ASCC3: variants seen among roughly 807,000 people sequenced by gnomAD.
ASCC3 encodes activating signal cointegrator 1 complex subunit 3, also known as ASC-1 complex subunit P200.
A neutral mutation model predicts 256.3 loss-of-function variants in ASCC3; 158 were observed. That is an observed-to-expected ratio of 0.62 (90% confidence interval 0.54 to 0.70). ASCC3 has a LOEUF of 0.70. ASCC3 is among the 30% of genes least tolerant of loss of function. The probability of loss-of-function intolerance (pLI) is 0.00; values close to 1 mark genes in which losing one functional copy is unlikely to be tolerated. For synonymous variants in ASCC3, 948 were observed against 883.4 expected (o/e 1.07, Z -1.30); for missense variants, 2,259 against 2,626.0 (o/e 0.86, Z 3.05).
intron 30 of ASCC3, among the ~76,000 whole-genome samples, chr6:100,608,118 C>CTATATATACATATATATGTGTATATAGA (rs1773047685): frequency 4.3e-5 from 1 of 23,350 alleles, no homozygotes; most frequent in African/African-American, 1.2e-4. Flanking sequence ...GTATATATAT[C>CTATATATACATATATATGTGTATATAGA]TATATATACA....
chr6:100,617,177 G>A (rs1041441208), intron 30 of ASCC3, among the ~76,000 whole-genome samples: 1 of 151,936 alleles, frequency 6.6e-6, no homozygotes, highest in Non-Finnish European at 1.5e-5. Context: ...GCTAATTTTT[G>A]TATTTTTTTT....
At chr6:100,550,813 G>T (rs547656046) in intron 36 of ASCC3, among the ~76,000 whole-genome samples, 1 of 151,742 alleles carries the variant, frequency 6.6e-6, no homozygotes, top group Admixed American at 6.6e-5. Context: ...TCTTTACTAG[G>T]ATTGTGTATT....
intron 8 of ASCC3, among the ~76,000 whole-genome samples, chr6:100,786,462 A>G (rs1769087655): frequency 6.6e-6 from 1 of 152,008 alleles, no homozygotes; most frequent in African/African-American, 2.4e-5. Flanking sequence ...AACAAATTTA[A>G]ATTAAATAAT....
chr6:100,800,964 C>T (rs2114346791), intron 5 of ASCC3, among the ~76,000 whole-genome samples: 1 of 152,054 alleles, frequency 6.6e-6, no homozygotes, highest in South Asian at 2.1e-4. Context: ...ACATATGTTA[C>T]TACTTAGTTA....
Position 100,563,101 on chromosome 6 carries a change from T to C in ASCC3, c.5551-22714A>G, listed in dbSNP as rs975337229. On this transcript the variant is annotated intron_variant, in intron 36 of 41. Coordinates refer to ENST00000369162, the MANE Select transcript of ASCC3 (RefSeq NM_006828.4). ...ACTGGAGTGTTAGTGGCTATTTTTT[T>C]AAATATTATGATTAAAATTTTTTAA... Among the ~76,000 whole-genome samples the C allele has an allele frequency of 6.6e-5, 10 of 152,088 alleles. No homozygotes were observed. In the South Asian group the frequency reaches 1.7e-3, roughly 25 times the overall value.
At chr6:100,870,683 T>C (rs1280746028) in intron 1 of ASCC3, among the ~76,000 whole-genome samples, 2 of 152,182 alleles carry the variant, frequency 1.3e-5, no homozygotes, top group Non-Finnish European at 2.9e-5. Flanking sequence ...ATGATCCAAC[T>C]TACAAATAAA....
At chr6:100,509,842 C>T (rs893769221) in intron 41 of ASCC3, 90 bp downstream of exon 41, 17 of 1,292,010 alleles carry the variant, frequency 1.3e-5, no homozygotes, top group South Asian at 1.1e-4. Context: ...GAGCAGAGAT[C>T]GCGCCACTGC....
chr6:100,577,548 A>G (rs1233110513), intron 36 of ASCC3, among the ~76,000 whole-genome samples: 1 of 152,110 alleles, frequency 6.6e-6, no homozygotes, highest in Admixed American at 6.6e-5. Flanking sequence ...GATTAACATA[A>G]AGAACAGAAT....
At chr6:100,837,129 A>C (rs1037540727) in intron 4 of ASCC3, among the ~76,000 whole-genome samples, 1 of 152,094 alleles carries the variant, frequency 6.6e-6, no homozygotes, top group African/African-American at 2.4e-5. Context: ...AAAATGCTCA[A>C]TATCACTAAT....
chr6:100,618,542 G>A (rs1236252058), intron 30 of ASCC3, among the ~76,000 whole-genome samples: 7 of 152,226 alleles, frequency 4.6e-5, no homozygotes, highest in Non-Finnish European at 1.0e-4. Context: ...AATAGGTTAT[G>A]TACTCAGTGG....
At chr6:100,521,353 C>T (rs560483119) in intron 37 of ASCC3, among the ~76,000 whole-genome samples, 4 of 152,024 alleles carry the variant, frequency 2.6e-5, no homozygotes, top group South Asian at 2.1e-4. Context: ...AGAAATCATA[C>T]GCTGAGGTTG....
chr6:100,559,482 G>C (rs1769808953), intron 36 of ASCC3, among the ~76,000 whole-genome samples: 1 of 152,086 alleles, frequency 6.6e-6, no homozygotes, highest in South Asian at 2.1e-4. Context: ...ATATTTTTTT[G>C]TAATGGCAAA....
chr6:100,779,193 T>C (rs774800986), intron 8 of ASCC3, among the ~76,000 whole-genome samples: 1 of 152,090 alleles, frequency 6.6e-6, no homozygotes, highest in African/African-American at 2.4e-5. Flanking sequence ...AAAATAGTAA[T>C]CAAGGAGAAT....
intron 36 of ASCC3, among the ~76,000 whole-genome samples, chr6:100,571,780 A>G (rs1770604091): frequency 6.6e-6 from 1 of 152,206 alleles, no homozygotes; most frequent in African/African-American, 2.4e-5. Flanking sequence ...TTACATGATC[A>G]GAATTATAAC....
At chr6:100,822,536 CAAAAA>C (rs34408420) in intron 4 of ASCC3, among the ~76,000 whole-genome samples, 9 of 113,118 alleles carry the variant, frequency 8.0e-5, no homozygotes, top group South Asian at 3.2e-4. Context: ...ACTCCGTCTC[CAAAAA>C]AAAAAAAAAA....
At chr6:100,702,217 G>A (rs1315456831) in intron 13 of ASCC3, among the ~76,000 whole-genome samples, 1 of 152,064 alleles carries the variant, frequency 6.6e-6, no homozygotes, top group Non-Finnish European at 1.5e-5. Flanking sequence ...AAAGAGGAGG[G>A]AATGGAGAGA....
At chr6:100,591,829 G>A (rs1237292532) in intron 34 of ASCC3, among the ~76,000 whole-genome samples, 2 of 151,768 alleles carry the variant, frequency 1.3e-5, no homozygotes, top group East Asian at 3.9e-4. Context: ...ATATAACTGG[G>A]ATGTCAACTT....
At chr6:100,657,307 C>T (rs992479742) in intron 16 of ASCC3, among the ~76,000 whole-genome samples, 7 of 151,292 alleles carry the variant, frequency 4.6e-5, no homozygotes, top group African/African-American at 1.7e-4. Flanking sequence ...TAAGCCTTTC[C>T]ACCAAAATAA....
intron 10 of ASCC3, among the ~76,000 whole-genome samples, chr6:100,750,122 A>T (rs1780870854): frequency 6.6e-6 from 1 of 151,950 alleles, no homozygotes; most frequent in South Asian, 2.1e-4. Context: ...ACAATAGAAA[A>T]CTTGCTTCAG....
Sources: allele counts gnomAD v4.1 joint callset (sites outside exome capture counted in the v4.1 genomes callset), GRCh38; gene constraint gnomAD v4.1.1; transcripts MANE v1.5; gene names NCBI Gene and HGNC (gene_info 2026-07-23, HGNC 2026-07-21).